KCNIP4: variants seen among roughly 807,000 people sequenced by gnomAD.
KCNIP4 encodes the protein potassium voltage-gated channel interacting protein 4.
In KCNIP4, 12 loss-of-function variants were observed where a neutral mutation model predicts 34.0. The observed-to-expected ratio is 0.35, with a 90% CI of 0.23 to 0.57. The LOEUF (loss-of-function observed/expected upper bound fraction) is 0.57, where lower values mean the gene tolerates loss of function less well. Among genes scored for constraint, KCNIP4 ranks in the 20% least tolerant of loss-of-function variants. The pLI, the probability that KCNIP4 is intolerant of heterozygous loss-of-function variation, is 0.83. For synonymous variants in KCNIP4, 124 were observed against 102.2 expected, an observed-to-expected ratio of 1.21 and a Z score of -1.29; for missense variants, 238 against 311.7, an observed-to-expected ratio of 0.76 and a Z score of 1.78.
At chr4:21,506,982 C>T (rs559625019) in intron 1 of KCNIP4, among the ~76,000 whole-genome samples, 1 of 151,698 alleles carries the variant, frequency 6.6e-6, no homozygotes, top group African/African-American at 2.4e-5. Flanking sequence ...CAGATGGAGT[C>T]TCACTATGTT....
At chr4:20,860,533 T>C (rs571366051) in intron 2 of KCNIP4, among the ~76,000 whole-genome samples, 14 of 152,346 alleles carry the variant, frequency 9.2e-5, no homozygotes, top group African/African-American at 3.1e-4. Context: ...AAATTCTATT[T>C]GAGCTGAAAT....
Position 21,278,278 on chromosome 4 carries a change from T to C in KCNIP4, c.62-395569A>G, listed in dbSNP as rs147659290. On this transcript the variant is annotated intron_variant, in intron 1 of 8. Coordinates refer to ENST00000382152, the MANE Select transcript of KCNIP4 (RefSeq NM_025221.6). ...ATAGGTAAACTCATGTCACAGGAGTTTGTTGCACAGATTTTTACTCAGGAA... is the reference window on the plus strand; with the variant it reads ...ATAGGTAAACTCATGTCACAGGAGTCTGTTGCACAGATTTTTACTCAGGAA... 3.1e-4 allele frequency among the ~76,000 whole-genome samples: 47 copies of C among 152,258 alleles called. No homozygotes were observed. The East Asian group carries it at 8.7e-3, about 28-fold the overall frequency.
chr4:21,725,328 TAG>T (rs1193311420), intron 1 of KCNIP4, among the ~76,000 whole-genome samples: 1 of 152,140 alleles, frequency 6.6e-6, no homozygotes, highest in Non-Finnish European at 1.5e-5. Flanking sequence ...GCTGGTGTGT[TAG>T]AGTCAGGCTG....
intron 1 of KCNIP4, among the ~76,000 whole-genome samples, chr4:21,609,889 T>A (rs1179641082): frequency 1.3e-5 from 2 of 152,222 alleles, no homozygotes; most frequent in African/African-American, 4.8e-5. Flanking sequence ...TAGGTGAATG[T>A]CTTGATGCTG....
intron 1 of KCNIP4, among the ~76,000 whole-genome samples, chr4:20,887,231 TAAAG>T (rs1345991055): frequency 1.3e-5 from 2 of 151,826 alleles, no homozygotes; most frequent in East Asian, 1.9e-4. Flanking sequence ...GATTTAAAAA[TAAAG>T]AGAGCTTTAC....
chr4:21,100,706 T>G (rs1479276780), intron 1 of KCNIP4, among the ~76,000 whole-genome samples: 1 of 152,190 alleles, frequency 6.6e-6, no homozygotes, highest in Non-Finnish European at 1.5e-5. Flanking sequence ...AGCATTTTTT[T>G]GGCAATCAAG....
intron 1 of KCNIP4, among the ~76,000 whole-genome samples, chr4:21,749,611 T>C (rs1234682747): frequency 6.6e-6 from 1 of 152,104 alleles, no homozygotes; most frequent in Non-Finnish European, 1.5e-5. Context: ...GGATGAGTCA[T>C]TGCAATATTC....
At chr4:20,797,223 C>T (rs1282425564) in intron 3 of KCNIP4, among the ~76,000 whole-genome samples, 1 of 152,134 alleles carries the variant, frequency 6.6e-6, no homozygotes, top group Non-Finnish European at 1.5e-5. Context: ...TTCAGAAGTA[C>T]ACAGATATAA....
chr4:21,697,353 T>C, intron 1 of KCNIP4: 2 of 1,512,200 alleles, frequency 1.3e-6, no homozygotes, highest in Non-Finnish European at 8.7e-7. Context: ...TCATTACCTG[T>C]ATGAAGAGAA....
chr4:21,567,394 G>T (rs1456708086), intron 1 of KCNIP4, among the ~76,000 whole-genome samples: 1 of 151,970 alleles, frequency 6.6e-6, no homozygotes, highest in Non-Finnish European at 1.5e-5. Context: ...TATATGGAAG[G>T]GGGCCCATTG....
chr4:20,973,167 C>T (rs1735142907), intron 1 of KCNIP4, among the ~76,000 whole-genome samples: 1 of 152,170 alleles, frequency 6.6e-6, no homozygotes, highest in South Asian at 2.1e-4. Context: ...CATCTTCTCC[C>T]AATAGAAGGT....
At chr4:21,630,776 A>G (rs925152517) in intron 1 of KCNIP4, among the ~76,000 whole-genome samples, 1 of 152,174 alleles carries the variant, frequency 6.6e-6, no homozygotes, top group African/African-American at 2.4e-5. Flanking sequence ...TTGTTTCCTT[A>G]ATAGCCTCTA....
At chr4:21,592,027 A>T (rs1742260799) in intron 1 of KCNIP4, among the ~76,000 whole-genome samples, 1 of 152,094 alleles carries the variant, frequency 6.6e-6, no homozygotes, top group African/African-American at 2.4e-5. Flanking sequence ...ACTGAGACCA[A>T]AGTGATAGAG....
At chr4:20,824,122 G>A (rs1221074390) in intron 3 of KCNIP4, among the ~76,000 whole-genome samples, 1 of 152,150 alleles carries the variant, frequency 6.6e-6, no homozygotes, top group Non-Finnish European at 1.5e-5. Flanking sequence ...ACATGTTGCT[G>A]AATATTACCG....
chr4:21,271,378 A>C (rs1220766772), intron 1 of KCNIP4, among the ~76,000 whole-genome samples: 1 of 152,214 alleles, frequency 6.6e-6, no homozygotes, highest in African/African-American at 2.4e-5. Flanking sequence ...AGACAAAGTA[A>C]AGACTGTTGG....
intron 1 of KCNIP4, among the ~76,000 whole-genome samples, chr4:21,665,735 G>A (rs532499233): frequency 3.3e-5 from 5 of 152,256 alleles, no homozygotes; most frequent in East Asian, 1.9e-4. Context: ...TCATAAGGGC[G>A]TATCAGGCAT....
intron 1 of KCNIP4, among the ~76,000 whole-genome samples, chr4:20,906,844 T>C (rs1021804579): frequency 2.6e-5 from 4 of 152,210 alleles, no homozygotes; most frequent in Non-Finnish European, 5.9e-5. Flanking sequence ...AATTTAAATG[T>C]TTCTGAACTG....
chr4:21,309,229 G>A (rs1490976558), intron 1 of KCNIP4, among the ~76,000 whole-genome samples: 3 of 152,160 alleles, frequency 2.0e-5, no homozygotes, highest in Non-Finnish European at 4.4e-5. Flanking sequence ...GAGAAAGGGG[G>A]CGAACTTTCT....
At chr4:21,311,102 G>A (rs73249546) in intron 1 of KCNIP4, among the ~76,000 whole-genome samples, 13,140 of 152,230 alleles carry the variant, frequency 0.086, 660 homozygotes, top group African/African-American at 0.13. Flanking sequence ...TTAGAACAGA[G>A]ACTGTCACTG....
Sources: gnomAD v4.1 joint callset for allele counts (sites outside exome capture counted in the v4.1 genomes callset) on GRCh38, gnomAD v4.1.1 for gene constraint, MANE v1.5 for transcripts, NCBI Gene and HGNC (gene_info 2026-07-23, HGNC 2026-07-21) for gene names.